Variants in INPP4B observed in about 807,000 individuals in gnomAD.
The protein encoded by INPP4B is inositol polyphosphate-4-phosphatase type II B.
INPP4B carries 55 observed loss-of-function variants against 122.5 expected under a neutral mutation model. The observed-to-expected ratio is 0.45, with a 90% confidence interval of 0.36 to 0.56. The LOEUF (loss-of-function observed/expected upper bound fraction) is 0.56, where lower values mean the gene tolerates loss of function less well. Ranked by LOEUF, INPP4B falls within the 20% of genes least tolerant of loss-of-function variation. The pLI is 0.00. For synonymous variants in INPP4B, 403 were observed against 388.7 expected, an observed-to-expected ratio of 1.04 and a Z score of -0.43; for missense variants, 1,000 against 1,097.7, an observed-to-expected ratio of 0.91 and a Z score of 1.26.
intron 2 of INPP4B, among the ~76,000 whole-genome samples, chr4:142,537,429 T>TATAGAGAG (rs1200701380): frequency 1.5e-3 from 39 of 25,472 alleles, no homozygotes; most frequent in Non-Finnish European, 2.6e-3. Flanking sequence ...TATATATATA[T>TATAGAGAG]AGAGAGAGAG....
chr4:142,620,188 A>G (rs1372593534), intron 2 of INPP4B, among the ~76,000 whole-genome samples: 1 of 152,030 alleles, frequency 6.6e-6, no homozygotes, highest in Non-Finnish European at 1.5e-5. Flanking sequence ...GCTCTACCAT[A>G]AAAACACATG....
intron 1 of INPP4B, among the ~76,000 whole-genome samples, chr4:142,835,149 A>AC (rs1782627964): frequency 6.6e-6 from 1 of 152,150 alleles, no homozygotes; most frequent in Admixed American, 6.6e-5. Flanking sequence ...CACAATTCCC[A>AC]CCACACAGAA....
intron 2 of INPP4B, among the ~76,000 whole-genome samples, chr4:142,685,318 A>AT (rs1759192415): frequency 6.6e-6 from 1 of 151,918 alleles, no homozygotes. Context: ...GAGAGGAGAA[A>AT]AAAAGCCAAT....
intron 7 of INPP4B, among the ~76,000 whole-genome samples, chr4:142,340,156 T>G (rs1778174738): frequency 1.3e-5 from 2 of 152,172 alleles, no homozygotes; most frequent in African/African-American, 4.8e-5. Flanking sequence ...TAGAAATACA[T>G]AAGGTGTCTC....
chr4:142,069,720 A>C (rs181539523), intron 25 of INPP4B, among the ~76,000 whole-genome samples: 19 of 152,198 alleles, frequency 1.2e-4, no homozygotes, highest in African/African-American at 4.1e-4. Flanking sequence ...ACACAAATAA[A>C]CTAGAAAATC....
intron 2 of INPP4B, among the ~76,000 whole-genome samples, chr4:142,667,570 C>T (rs754008383): frequency 6.6e-6 from 1 of 152,102 alleles, no homozygotes; most frequent in African/African-American, 2.4e-5. Context: ...CTTCTCTAAG[C>T]CTGTGTCTCC....
At chr4:142,583,470 G>T (rs954548124) in intron 2 of INPP4B, 1 of 152,102 alleles carries the variant, frequency 6.6e-6, no homozygotes. Flanking sequence ...CCAGGCCATG[G>T]AGCTGAATGG....
chr4:142,236,606 T>C (rs1561567481), intron 12 of INPP4B, among the ~76,000 whole-genome samples: 1 of 152,194 alleles, frequency 6.6e-6, no homozygotes, highest in Non-Finnish European at 1.5e-5. Context: ...TTAGTCTTTA[T>C]TTCCCTAGAT....
At chr4:142,195,350 A>C (rs564200371) in intron 14 of INPP4B, among the ~76,000 whole-genome samples, 1 of 152,220 alleles carries the variant, frequency 6.6e-6, no homozygotes. Flanking sequence ...TTCCAGAGAT[A>C]TGCTGTATAA....
chr4:142,152,169 G>T (rs1216048704), intron 17 of INPP4B, among the ~76,000 whole-genome samples: 2 of 144,808 alleles, frequency 1.4e-5, no homozygotes, highest in African/African-American at 5.1e-5. Context: ...CGCCTCCCGG[G>T]TTCATGCCAT....
At chr4:142,058,840 A>G (rs1759084931) in intron 25 of INPP4B, among the ~76,000 whole-genome samples, 1 of 152,156 alleles carries the variant, frequency 6.6e-6, no homozygotes, top group Non-Finnish European at 1.5e-5. Context: ...TGGGTTGAAC[A>G]GTGATAGTGT....
chr4:142,313,636 T>C (rs1022690411), intron 8 of INPP4B, among the ~76,000 whole-genome samples: 1 of 152,096 alleles, frequency 6.6e-6, no homozygotes, highest in African/African-American at 2.4e-5. Context: ...CTGGAGGAAG[T>C]AAATGAAGGT....
intron 2 of INPP4B, among the ~76,000 whole-genome samples, chr4:142,498,003 CAT>C (rs1276353680): frequency 6.6e-6 from 1 of 151,930 alleles, no homozygotes; most frequent in Admixed American, 6.6e-5. Context: ...GCAGTCAAAG[CAT>C]ATGTTATGCA....
intron 16 of INPP4B, among the ~76,000 whole-genome samples, chr4:142,163,259 A>T (rs1257338448): frequency 1.3e-5 from 2 of 151,956 alleles, no homozygotes; most frequent in African/African-American, 2.4e-5. Flanking sequence ...TAAGTTGTGC[A>T]GCTGTTCTGA....
At chr4:142,318,868 G>A (rs765814472) in intron 7 of INPP4B, among the ~76,000 whole-genome samples, 9 of 152,168 alleles carry the variant, frequency 5.9e-5, no homozygotes, top group Non-Finnish European at 1.2e-4. Flanking sequence ...AATCTTAATT[G>A]TTCCCAACAA....
intron 10 of INPP4B, among the ~76,000 whole-genome samples, chr4:142,267,007 G>T (rs1216154713): frequency 6.6e-6 from 1 of 152,042 alleles, no homozygotes; most frequent in Non-Finnish European, 1.5e-5. Context: ...CCAAGGATTT[G>T]GAAGATCTGT....
At chr4:142,121,902 C>T (rs1250705404) in intron 21 of INPP4B, among the ~76,000 whole-genome samples, 1 of 152,062 alleles carries the variant, frequency 6.6e-6, no homozygotes, top group African/African-American at 2.4e-5. Context: ...TGGGAGAGTA[C>T]TGCCATACTC....
chr4:142,206,014 A>T (rs1393173744), intron 14 of INPP4B, among the ~76,000 whole-genome samples: 1 of 152,104 alleles, frequency 6.6e-6, no homozygotes, highest in Non-Finnish European at 1.5e-5. Flanking sequence ...ATTCTCTAAC[A>T]GTTCCGGAGG....
chr4:142,611,460 T>C (rs1580498121), intron 2 of INPP4B, among the ~76,000 whole-genome samples: 1 of 152,026 alleles, frequency 6.6e-6, no homozygotes, highest in African/African-American at 2.4e-5. Flanking sequence ...AAGTAAGTAA[T>C]GGTAAGTATA....
Sources: gnomAD v4.1 joint callset for allele counts (sites outside exome capture counted in the v4.1 genomes callset) on GRCh38, gnomAD v4.1.1 for gene constraint, MANE v1.5 for transcripts, NCBI Gene and HGNC (gene_info 2026-07-23, HGNC 2026-07-21) for gene names.